The following CCNI variants were observed in gnomAD, a reference collection of about 807,000 sequenced individuals.
The protein encoded by CCNI is cyclin-I.
CCNI carries 14 observed loss-of-function variants against 34.1 expected under a neutral mutation model. The observed-to-expected ratio is 0.41, with a 90% CI of 0.27 to 0.64. The LOEUF is 0.64. Ranked by LOEUF, CCNI falls within the 30% of genes least tolerant of loss-of-function variation. The probability of loss-of-function intolerance (pLI) is 0.31; values close to 1 mark genes in which losing one functional copy is unlikely to be tolerated. For missense variants in CCNI, 385 were observed against 440.5 expected (o/e 0.87, Z 1.13); for synonymous variants, 154 against 158.4 (o/e 0.97, Z 0.21).
At chr4:77,055,463 TC>T (rs1560772678) in intron 5 of CCNI, 83 bp from the exon 6 acceptor site, 57 of 921,398 alleles carry the variant, frequency 6.2e-5, no homozygotes, top group South Asian at 1.0e-4. Context: ...CTATTCAATT[TC>T]TTTTTTTTTT....
intron 6 of CCNI, among the ~76,000 whole-genome samples, chr4:77,050,048 T>C (rs771914877): frequency 1.3e-5 from 2 of 152,218 alleles, no homozygotes; most frequent in African/African-American, 2.4e-5. Context: ...TCAACCTTCT[T>C]TTCTAGCCTT....
At chr4:77,061,541 T>TA (rs1375473731) in intron 2 of CCNI, among the ~76,000 whole-genome samples, 2 of 152,214 alleles carry the variant, frequency 1.3e-5, no homozygotes, top group Non-Finnish European at 2.9e-5. Flanking sequence ...CACATGCTGC[T>TA]AGTCTTCTCC....
At chr4:77,056,202 G>A in intron 4 of CCNI, 47 bp downstream of exon 4, 1 of 1,594,012 alleles carries the variant, frequency 6.3e-7, no homozygotes, top group South Asian at 1.1e-5. Context: ...AATAAATGTG[G>A]AGAGAAATTT....
chr4:77,070,474 C>CT (rs543086530), intron 1 of CCNI, among the ~76,000 whole-genome samples: 7,544 of 119,148 alleles, frequency 0.063, 261 homozygotes, highest in East Asian at 0.11. Context: ...TGGGTACTTT[C>CT]TTTTTTTTTT....
chr4:77,061,255 T>G (rs946333753), intron 2 of CCNI, among the ~76,000 whole-genome samples: 1 of 152,216 alleles, frequency 6.6e-6, no homozygotes, highest in Admixed American at 6.5e-5. Context: ...TACTAAACAG[T>G]AATATCATCA....
intron 2 of CCNI, among the ~76,000 whole-genome samples, chr4:77,063,570 G>A (rs778510587): frequency 1.3e-5 from 2 of 151,556 alleles, no homozygotes; most frequent in Non-Finnish European, 3.0e-5. Flanking sequence ...GGCGCCTGTA[G>A]TCCCAGCTAA....
rs1290734144 is a variant in CCNI at position 77,058,492 on chromosome 4, T to C, written c.243+15A>G. On this transcript the variant is annotated intron_variant, in intron 3 of 6. Transcript: ENST00000237654. Reference sequence around the variant, plus strand: ...TCAAATGAGGTTATATGTAAGTCTATCTTAAAACACTTACCTTTACGGTAG... The same window carrying C: ...TCAAATGAGGTTATATGTAAGTCTACCTTAAAACACTTACCTTTACGGTAG... The C allele has an allele frequency of 1.2e-6, 2 of 1,606,270 alleles. No individual in the cohort carries two copies. Among genetic ancestry groups the C allele is most frequent in the Admixed American group, 3.4e-5 (2 of 59,100 alleles).
chr4:77,070,861 G>T (rs1048417), intron 1 of CCNI, among the ~76,000 whole-genome samples: 8,328 of 152,164 alleles, frequency 0.055, 563 homozygotes, highest in African/African-American at 0.16. Flanking sequence ...TAAAAGAAAT[G>T]GAATGTAAAC....
At position 77,066,354 on chromosome 4, in the gene CCNI, A is replaced by G. The variant is rs1175885590; in HGVS notation, c.9T>C (p.Phe3=). ...ATCTCTGGTTTTCCAAAGGCCCTGG[A>G]AACTTCATGATATCCTTTGGATCTG... MK[F]PGPLENQRLS... The change falls in exon 2 of 7, where the codon TTT becomes TTC. Residue 3 remains phenylalanine (F), a synonymous_variant. Transcript: ENST00000237654. 15 of 1,613,838 alleles carry G rather than the reference A, an allele frequency of 9.3e-6. No individual in the cohort carries two copies. Among genetic ancestry groups the G allele is most frequent in the Non-Finnish European group, 1.3e-5 (15 of 1,179,864 alleles).
At chr4:77,053,832 A>C (rs1236678966) in intron 6 of CCNI, among the ~76,000 whole-genome samples, 1 of 152,176 alleles carries the variant, frequency 6.6e-6, no homozygotes, top group African/African-American at 2.4e-5. Flanking sequence ...TTTCTGTGTC[A>C]TATTATTCAT....
rs755777303 is a variant in CCNI at position 77,048,565 on chromosome 4, C to A, written c.788G>T (p.Arg263Leu). 1.2e-6 allele frequency: 2 copies of A among 1,612,130 alleles called. No homozygotes were observed. The highest frequency in any genetic ancestry group is 1.7e-6 in the Non-Finnish European group (2 of 1,179,034). The change falls in exon 7 of 7, where the codon CGT becomes CTT. Residue 263 changes from arginine to leucine, a missense_variant. Arg to Leu is a moderately radical substitution (Grantham distance 102). Around this residue, in one of 2 missense-constraint regions of CCNI, gnomAD observed 250 missense variants for 248.7 expected, o/e 1.01. Coordinates refer to ENST00000237654, the MANE Select transcript of CCNI (RefSeq NM_006835.3). ...GGTCACCAGGGTGTGCTTGAGGGGA[C>A]GGTAGACATAAACGGAATTCAGAGG... ...SLPLNSVYVY[R>L]PLKHTLVTCD...
chr4:77,065,193 G>T (rs1728946430), intron 2 of CCNI: 1 of 152,154 alleles, frequency 6.6e-6, no homozygotes. Flanking sequence ...AATTAGAATT[G>T]AATTAAAAAG....
chr4:77,074,405 T>C (rs543657650), intron 1 of CCNI, among the ~76,000 whole-genome samples: 1 of 152,334 alleles, frequency 6.6e-6, no homozygotes, highest in South Asian at 2.1e-4. Flanking sequence ...TTCTATTTCA[T>C]CTGCCACAAA....
intron 6 of CCNI, among the ~76,000 whole-genome samples, chr4:77,051,890 A>G (rs1727867174): frequency 1.3e-5 from 2 of 152,128 alleles, no homozygotes; most frequent in African/African-American, 4.8e-5. Context: ...ACCTGCTGGA[A>G]TAGTCTGACC....
At chr4:77,052,682 T>G (rs1427575618) in intron 6 of CCNI, among the ~76,000 whole-genome samples, 3 of 152,172 alleles carry the variant, frequency 2.0e-5, no homozygotes, top group African/African-American at 7.2e-5. Context: ...TGGCATGATC[T>G]CATCAATCTG....
chr4:77,061,229 A>G (rs929581590), intron 2 of CCNI, among the ~76,000 whole-genome samples: 1 of 152,220 alleles, frequency 6.6e-6, no homozygotes, highest in Non-Finnish European at 1.5e-5. Flanking sequence ...CACTTTTTCA[A>G]ATCAATTCAA....
At chr4:77,070,474 CTTT>C (rs543086530) in intron 1 of CCNI, among the ~76,000 whole-genome samples, 10 of 119,152 alleles carry the variant, frequency 8.4e-5, no homozygotes, top group South Asian at 2.6e-4. Context: ...TGGGTACTTT[CTTT>C]TTTTTTTTTT....
Position 77,058,541 on chromosome 4 carries a change from C to T in CCNI, c.209G>A (p.Ser70Asn), listed in dbSNP as rs1340735344. The change falls in exon 3 of 7, where the codon AGC becomes AAC. Residue 70 changes from serine (S) to asparagine (N), a missense_variant. By Grantham distance (46) the Ser-to-Asn change is conservative. This residue lies in a region of CCNI where 135 missense variants were observed against 191.8 expected (regional missense o/e 0.70). Coordinates refer to ENST00000237654, the MANE Select transcript of CCNI (RefSeq NM_006835.3). ...AGCTAAAAACCTATCCAAAAGACTG[C>T]TAGCCAGAGCAAATGTTTCTGGGTA... ...NLYPETFALASSLLDRFLATV... is the reference protein window; with the variant it reads ...NLYPETFALANSLLDRFLATV... 1 of 1,613,380 alleles carries T rather than the reference C, an allele frequency of 6.2e-7. No homozygotes were observed. Among genetic ancestry groups the T allele is most frequent in the African/African-American group, 1.3e-5 (1 of 74,878 alleles).
intron 2 of CCNI, among the ~76,000 whole-genome samples, chr4:77,061,180 G>A (rs1398712308): frequency 6.6e-6 from 1 of 152,168 alleles, no homozygotes; most frequent in Non-Finnish European, 1.5e-5. Flanking sequence ...AACAGTTTAA[G>A]AAGACTCAAT....
Sources: gnomAD v4.1 joint callset for allele counts (sites outside exome capture counted in the v4.1 genomes callset) on GRCh38, gnomAD v4.1.1 for gene constraint, gnomAD v4.1.1 regional missense constraint, MANE v1.5 for transcripts, NCBI Gene and HGNC (gene_info 2026-07-23, HGNC 2026-07-21) for gene names.